DLGAP2: variants seen among roughly 807,000 people sequenced by gnomAD.
DLGAP2 encodes disks large-associated protein 2.
DLGAP2 carries 26 observed loss-of-function variants against 100.3 expected under a neutral mutation model. That is an observed-to-expected ratio of 0.26 (90% confidence interval 0.19 to 0.36). The LOEUF (loss-of-function observed/expected upper bound fraction) is 0.36, where lower values mean the gene tolerates loss of function less well. Among genes scored for constraint, DLGAP2 ranks in the 10% least tolerant of loss-of-function variants. The pLI, the probability that DLGAP2 is intolerant of heterozygous loss-of-function variation, is 1.00. For missense variants in DLGAP2, 1,858 were observed against 1,453.2 expected, an observed-to-expected ratio of 1.28 and a Z score of -4.53; for synonymous variants, 886 against 630.1, an observed-to-expected ratio of 1.41 and a Z score of -6.08.
At chr8:1,182,333 C>G (rs1238259161) in intron 2 of DLGAP2, among the ~76,000 whole-genome samples, 1 of 152,246 alleles carries the variant, frequency 6.6e-6, no homozygotes, top group Non-Finnish European at 1.5e-5. Flanking sequence ...CTCACACACA[C>G]AACATCCGTG....
intron 2 of DLGAP2, among the ~76,000 whole-genome samples, chr8:1,198,649 G>C (rs1339492027): frequency 6.6e-6 from 1 of 152,312 alleles, no homozygotes; most frequent in Non-Finnish European, 1.5e-5. Flanking sequence ...GAGAAAGGCC[G>C]AGCCGCTCAG....
At chr8:1,115,832 C>T (rs561468826) in intron 2 of DLGAP2, among the ~76,000 whole-genome samples, 3 of 152,302 alleles carry the variant, frequency 2.0e-5, no homozygotes, top group South Asian at 2.1e-4. Context: ...CATTTGGGCT[C>T]TTCTTCTAGT....
intron 2 of DLGAP2, among the ~76,000 whole-genome samples, chr8:1,050,053 CAT>C (rs768534634): frequency 1.3e-4 from 20 of 152,364 alleles, no homozygotes; most frequent in Admixed American, 2.6e-4. Flanking sequence ...CTGTCACACA[CAT>C]GTACATACGT....
intron 3 of DLGAP2, among the ~76,000 whole-genome samples, chr8:1,318,778 G>GCC (rs34614425): frequency 0.044 from 4,609 of 104,876 alleles, 232 homozygotes; most frequent in African/African-American, 0.12. Context: ...TCAGTGATCA[G>GCC]CCCCCCCCCC....
At chr8:1,119,931 A>C (rs534904248) in intron 2 of DLGAP2, among the ~76,000 whole-genome samples, 1 of 152,322 alleles carries the variant, frequency 6.6e-6, no homozygotes, top group South Asian at 2.1e-4. Flanking sequence ...GTAGTTGGGA[A>C]GACCCTTTCT....
At chr8:1,653,277 T>G (rs1798208414) in intron 8 of DLGAP2, among the ~76,000 whole-genome samples, 1 of 151,992 alleles carries the variant, frequency 6.6e-6, no homozygotes, top group African/African-American at 2.4e-5. Flanking sequence ...TGGCATTGCA[T>G]TGGTTCTTGG....
chr8:761,124 C>G (rs568409991), intron 1 of DLGAP2, among the ~76,000 whole-genome samples: 1 of 152,136 alleles, frequency 6.6e-6, no homozygotes, highest in African/African-American at 2.4e-5. Context: ...CGTCTCTGCC[C>G]GGAGTGACCA....
chr8:804,741 A>T (rs7824324), intron 1 of DLGAP2, among the ~76,000 whole-genome samples: 2 of 152,040 alleles, frequency 1.3e-5, no homozygotes, highest in Non-Finnish European at 2.9e-5. Flanking sequence ...TGGTTGTCCT[A>T]TACAAGTTAA....
At chr8:856,277 C>T (rs977901413) in intron 1 of DLGAP2, among the ~76,000 whole-genome samples, 4 of 150,898 alleles carry the variant, frequency 2.7e-5, no homozygotes, top group African/African-American at 4.9e-5. Context: ...CAACCTTCGC[C>T]TCCCGGGTTC....
chr8:919,978 C>T (rs972646282), intron 2 of DLGAP2, among the ~76,000 whole-genome samples: 2 of 152,196 alleles, frequency 1.3e-5, no homozygotes, highest in African/African-American at 2.4e-5. Context: ...CCCCACTCAG[C>T]GATTCACTGG....
chr8:813,258 T>C (rs1044612171), intron 1 of DLGAP2, among the ~76,000 whole-genome samples: 2 of 151,652 alleles, frequency 1.3e-5, no homozygotes, highest in Non-Finnish European at 2.9e-5. Context: ...TATTTCCTTT[T>C]CAAAACGAAA....
chr8:847,696 AG>A (rs1410268534), intron 1 of DLGAP2, among the ~76,000 whole-genome samples: 1 of 152,044 alleles, frequency 6.6e-6, no homozygotes, highest in African/African-American at 2.4e-5. Context: ...TAGTAGAGAC[AG>A]GGTTTCACCA....
At chr8:759,568 A>G (rs1420929463) in intron 1 of DLGAP2, among the ~76,000 whole-genome samples, 2 of 138,230 alleles carry the variant, frequency 1.4e-5, no homozygotes, top group East Asian at 4.4e-4. Context: ...CCAGCACTCC[A>G]GAGTCCACGG....
intron 1 of DLGAP2, among the ~76,000 whole-genome samples, chr8:833,765 A>G (rs1049925159): frequency 4.6e-5 from 7 of 152,228 alleles, no homozygotes; most frequent in African/African-American, 1.7e-4. Flanking sequence ...AAATGTATGC[A>G]TACCTTTCAT....
At position 1,380,500 on chromosome 8, in the gene DLGAP2, A is replaced by G. The variant is rs148415397; in HGVS notation, c.107-120866A>G. Among the ~76,000 whole-genome samples the G allele has an allele frequency of 3.4e-3, 519 of 152,154 alleles. 14 individuals carry two copies. The highest frequency in any genetic ancestry group is 1.6e-3 in the East Asian group (8 of 5,148). ...GTTGCCAGAGATGCTCAGCTGCACA[A>G]AAGACTTGTGATAAGCGAGGCTTTT... On this transcript the variant is annotated intron_variant, in intron 3 of 14. Transcript: ENST00000637795.
At chr8:1,122,661 C>T (rs565036698) in intron 2 of DLGAP2, among the ~76,000 whole-genome samples, 2 of 152,124 alleles carry the variant, frequency 1.3e-5, no homozygotes, top group East Asian at 1.9e-4. Context: ...TGATACTTCT[C>T]TTTGAAGAAT....
At chr8:849,046 T>C (rs564966527) in intron 1 of DLGAP2, among the ~76,000 whole-genome samples, 7 of 151,668 alleles carry the variant, frequency 4.6e-5, no homozygotes, top group Admixed American at 1.3e-4. Flanking sequence ...CCTGTTCCAG[T>C]ATAGGATGTG....
intron 2 of DLGAP2, among the ~76,000 whole-genome samples, chr8:1,138,708 G>T (rs191833821): frequency 4.6e-5 from 7 of 152,366 alleles, no homozygotes; most frequent in Non-Finnish European, 8.8e-5. Context: ...GTCTGCAGCG[G>T]TGCCTTCTCT....
At chr8:1,503,175 A>T (rs778331063) in intron 4 of DLGAP2, among the ~76,000 whole-genome samples, 1 of 152,154 alleles carries the variant, frequency 6.6e-6, no homozygotes, top group Admixed American at 6.5e-5. Context: ...TTTGTAAGTA[A>T]GTTCAACAGC....
Sources: gnomAD v4.1 joint callset for allele counts (sites outside exome capture counted in the v4.1 genomes callset) on GRCh38, gnomAD v4.1.1 for gene constraint, MANE v1.5 for transcripts, NCBI Gene and HGNC (gene_info 2026-07-23, HGNC 2026-07-21) for gene names.